Variants in KIF6 observed in about 807,000 individuals in gnomAD.
KIF6 encodes the protein kinesin-like protein KIF6.
In KIF6, 106 loss-of-function variants were observed where a neutral mutation model predicts 112.7. The ratio of observed to expected loss-of-function variants is 0.94; its 90% CI spans 0.80 to 1.11. KIF6 has a LOEUF of 1.11. Ranked by LOEUF, KIF6 falls within the 50% of genes least tolerant of loss-of-function variation. The pLI is 0.00. For missense variants in KIF6, 929 were observed against 964.0 expected, an observed-to-expected ratio of 0.96 and a Z score of 0.48; for synonymous variants, 339 against 339.9, an observed-to-expected ratio of 1.00 and a Z score of 0.03.
chr6:39,675,036 C>G (rs1048204062), intron 3 of KIF6, among the ~76,000 whole-genome samples: 7 of 151,970 alleles, frequency 4.6e-5, no homozygotes, highest in Admixed American at 4.6e-4. Context: ...CTTCTAAAAT[C>G]TACTTAGAGA....
chr6:39,652,357 C>T (rs1240710205), intron 3 of KIF6, among the ~76,000 whole-genome samples: 2 of 151,958 alleles, frequency 1.3e-5, no homozygotes, highest in African/African-American at 2.4e-5. Context: ...GGTGAAACCC[C>T]GTCTCTACTA....
intron 3 of KIF6, among the ~76,000 whole-genome samples, chr6:39,675,717 C>G (rs1444320097): frequency 6.6e-6 from 1 of 151,186 alleles, no homozygotes; most frequent in East Asian, 1.9e-4. Flanking sequence ...TATTAAATAC[C>G]CAAAATAAGT....
intron 9 of KIF6, among the ~76,000 whole-genome samples, chr6:39,583,658 TG>T (rs1781427444): frequency 6.8e-6 from 1 of 147,738 alleles, no homozygotes; most frequent in Admixed American, 6.7e-5. Context: ...GAAACACTGT[TG>T]GTAGGATTTC....
intron 13 of KIF6, among the ~76,000 whole-genome samples, chr6:39,490,992 T>A (rs571834268): frequency 6.6e-6 from 1 of 152,294 alleles, no homozygotes; most frequent in East Asian, 1.9e-4. Context: ...TTGTATTTTT[T>A]AAAGATGGAC....
At chr6:39,584,873 T>C in intron 9 of KIF6, 25 bp downstream of exon 9, 1 of 1,409,280 alleles carries the variant, frequency 7.1e-7, no homozygotes, top group Non-Finnish European at 1.0e-6. Flanking sequence ...ATATATTTTT[T>C]AAAATATCGT....
chr6:39,629,618 T>C (rs1403380130), intron 5 of KIF6, among the ~76,000 whole-genome samples: 1 of 152,128 alleles, frequency 6.6e-6, no homozygotes, highest in Non-Finnish European at 1.5e-5. Flanking sequence ...TGATAATTAA[T>C]TTCTTCCAGC....
chr6:39,470,483 T>C (rs572512259), intron 13 of KIF6, among the ~76,000 whole-genome samples: 59 of 152,258 alleles, frequency 3.9e-4, no homozygotes, highest in South Asian at 1.0e-3. Context: ...CACTCCAAAA[T>C]GAAATCTGCC....
intron 6 of KIF6, among the ~76,000 whole-genome samples, chr6:39,604,383 CA>C (rs1385459993): frequency 6.6e-6 from 1 of 152,102 alleles, no homozygotes; most frequent in Admixed American, 6.6e-5. Flanking sequence ...GAGACCTGAC[CA>C]AACCTAGTGG....
intron 7 of KIF6, 137 bp downstream of exon 7, chr6:39,595,917 A>G (rs1782224862): frequency 3.1e-6 from 2 of 639,688 alleles, no homozygotes; most frequent in Admixed American, 5.8e-5. Context: ...TACACTTAAA[A>G]ATGATTAAAA....
At chr6:39,499,728 C>T (rs905252071) in intron 13 of KIF6, among the ~76,000 whole-genome samples, 4 of 152,162 alleles carry the variant, frequency 2.6e-5, no homozygotes, top group African/African-American at 9.7e-5. Context: ...AGTCACAGGT[C>T]ACCAGTAACT....
chr6:39,384,751 AC>A (rs1178986510), intron 16 of KIF6, among the ~76,000 whole-genome samples: 2 of 152,118 alleles, frequency 1.3e-5, no homozygotes, highest in African/African-American at 4.8e-5. Context: ...CTCAAGGGGA[AC>A]TTTTTTTGTC....
chr6:39,493,118 A>G (rs1472511185), intron 13 of KIF6, among the ~76,000 whole-genome samples: 2 of 152,220 alleles, frequency 1.3e-5, no homozygotes, highest in Non-Finnish European at 2.9e-5. Flanking sequence ...CTCCTTCTAC[A>G]GAACCTAGGG....
At chr6:39,478,088 TG>T (rs778515856) in intron 13 of KIF6, among the ~76,000 whole-genome samples, 10 of 152,194 alleles carry the variant, frequency 6.6e-5, no homozygotes, top group Non-Finnish European at 1.2e-4. Flanking sequence ...AGGTGGTATT[TG>T]GTTACATGAG....
chr6:39,692,834 AT>A (rs141127778), intron 3 of KIF6, among the ~76,000 whole-genome samples: 12,209 of 151,642 alleles, frequency 0.081, 518 homozygotes, highest in Middle Eastern at 0.12. Context: ...TATCCTCCAT[AT>A]TTTTTTTTCA....
Position 39,344,863 on chromosome 6 carries a change from AAAAC to A in KIF6, c.2321+833_2321+836del, listed in dbSNP as rs555961673. 4.9e-3 allele frequency among the ~76,000 whole-genome samples: 741 copies of A among 152,164 alleles called. 6 individuals are homozygous for A. Among genetic ancestry groups the A allele is most frequent in the African/African-American group, 0.016 (676 of 41,480 alleles). The stretch of plus-strand genomic sequence containing the variant: ...ATTTAGCTAAGTTGCCACAACTAAA[AAAAC>A]TACCTTTCCCAGACTCCTTTGCTGC... On this transcript the variant is annotated intron_variant, in intron 21 of 22. Coordinates refer to ENST00000287152, the MANE Select transcript of KIF6 (RefSeq NM_145027.6).
intron 5 of KIF6, among the ~76,000 whole-genome samples, chr6:39,621,383 C>G (rs1783812801): frequency 6.6e-6 from 1 of 152,150 alleles, no homozygotes; most frequent in African/African-American, 2.4e-5. Context: ...ACCTGGGAAG[C>G]CTATAGCACC....
intron 5 of KIF6, among the ~76,000 whole-genome samples, chr6:39,627,736 A>C (rs1784161795): frequency 6.6e-6 from 1 of 152,278 alleles, no homozygotes; most frequent in South Asian, 2.1e-4. Context: ...TTATAGTAAT[A>C]ACCATGACAA....
At chr6:39,544,818 C>T (rs1015281035) in intron 11 of KIF6, 125 bp from the exon 12 acceptor site, 7 of 496,888 alleles carry the variant, frequency 1.4e-5, no homozygotes, top group Admixed American at 3.8e-5. Context: ...GATGCAGGTG[C>T]GATGTCTTTG....
chr6:39,475,944 A>G (rs899678829), intron 13 of KIF6, among the ~76,000 whole-genome samples: 2 of 152,116 alleles, frequency 1.3e-5, no homozygotes, highest in Admixed American at 6.5e-5. Flanking sequence ...AAACTAACAC[A>G]GGAACAGAAA....
Sources: gnomAD v4.1 joint callset for allele counts (sites outside exome capture counted in the v4.1 genomes callset) on GRCh38, gnomAD v4.1.1 for gene constraint, MANE v1.5 for transcripts, NCBI Gene and HGNC (gene_info 2026-07-23, HGNC 2026-07-21) for gene names.